Variants in PLA2G4A observed in about 807,000 individuals in gnomAD.
PLA2G4A encodes phospholipase A2 group IVA.
A neutral mutation model predicts 81.9 loss-of-function variants in PLA2G4A; 40 were observed. That is an observed-to-expected ratio of 0.49 (90% confidence interval 0.38 to 0.64). PLA2G4A has a LOEUF of 0.64. Among genes scored for constraint, PLA2G4A ranks in the 30% least tolerant of loss-of-function variants. The pLI is 0.00. For synonymous variants in PLA2G4A, 302 were observed against 296.9 expected, an observed-to-expected ratio of 1.02 and a Z score of -0.18; for missense variants, 715 against 905.1, an observed-to-expected ratio of 0.79 and a Z score of 2.69.
chr1:186,942,946 T>C (rs113829356), intron 10 of PLA2G4A, among the ~76,000 whole-genome samples: 2,512 of 152,232 alleles, frequency 0.017, 70 homozygotes, highest in African/African-American at 0.057. Flanking sequence ...ATGAATCTTG[T>C]ACCCAGATAA....
At chr1:186,970,003 G>A (rs2102283514) in intron 15 of PLA2G4A, among the ~76,000 whole-genome samples, 1 of 152,018 alleles carries the variant, frequency 6.6e-6, no homozygotes, top group Non-Finnish European at 1.5e-5. Flanking sequence ...TTCTGTGGTG[G>A]CTGTACTAAT....
chr1:186,863,769 T>TG (rs1184596782), intron 2 of PLA2G4A, among the ~76,000 whole-genome samples: 3 of 145,880 alleles, frequency 2.1e-5, no homozygotes, highest in African/African-American at 7.8e-5. Flanking sequence ...TAATTTTTTT[T>TG]TTTTTTTTGG....
At chr1:186,857,972 T>A (rs1652652448) in intron 2 of PLA2G4A, among the ~76,000 whole-genome samples, 1 of 152,184 alleles carries the variant, frequency 6.6e-6, no homozygotes, top group African/African-American at 2.4e-5. Flanking sequence ...ATGGTGAATA[T>A]GTGCCACAGT....
At chr1:186,857,154 CATAA>C (rs1652599635) in intron 2 of PLA2G4A, among the ~76,000 whole-genome samples, 1 of 43,200 alleles carries the variant, frequency 2.3e-5, no homozygotes, top group African/African-American at 1.4e-4. Flanking sequence ...TATATAATTA[CATAA>C]TATAATATAA....
In PLA2G4A at chr1:186,945,545, C is replaced by A. The variant is rs766392826; in HGVS notation, c.1034-1092C>A. On this transcript the variant is annotated intron_variant, in intron 10 of 17. Transcript: ENST00000367466. ...GGAGAGAGAATACAGCAATTTGTAT[C>A]AGTACGATCACAGTGGACAAATGGA... is the stretch of plus-strand genomic sequence containing the variant. Among the ~76,000 whole-genome samples, 112 of 152,082 alleles carry A rather than the reference C, an allele frequency of 7.4e-4. 1 individual carries two copies. Among genetic ancestry groups the A allele is most frequent in the Non-Finnish European group, 2.1e-4 (14 of 68,016 alleles).
intron 13 of PLA2G4A, among the ~76,000 whole-genome samples, chr1:186,952,456 G>A (rs1287461252): frequency 1.3e-5 from 2 of 152,064 alleles, no homozygotes; most frequent in African/African-American, 4.8e-5. Flanking sequence ...AAAGTACAGA[G>A]TTCCCATATG....
chr1:186,865,578 C>T (rs1322553545), intron 2 of PLA2G4A, among the ~76,000 whole-genome samples: 1 of 152,186 alleles, frequency 6.6e-6, no homozygotes, highest in Non-Finnish European at 1.5e-5. Flanking sequence ...AGTAATCACA[C>T]ATCATAGTCT....
At chr1:186,865,562 G>A (rs1220571453) in intron 2 of PLA2G4A, among the ~76,000 whole-genome samples, 1 of 152,090 alleles carries the variant, frequency 6.6e-6, no homozygotes, top group Non-Finnish European at 1.5e-5. Flanking sequence ...CATAATCTCT[G>A]GGTTCAGTAA....
chr1:186,831,065 T>C (rs1651570310), intron 1 of PLA2G4A, among the ~76,000 whole-genome samples: 1 of 151,794 alleles, frequency 6.6e-6, no homozygotes, highest in Admixed American at 6.6e-5. Flanking sequence ...TTCTTTCTTT[T>C]GTTTTTGTTC....
At chr1:186,906,847 G>A (rs538717770) in intron 5 of PLA2G4A, 118 bp from the exon 6 acceptor site, 33 of 632,774 alleles carry the variant, frequency 5.2e-5, no homozygotes, top group South Asian at 3.3e-4. Context: ...TTTATTTTTA[G>A]GGTTTTGTTT....
At chr1:186,839,205 A>C in intron 1 of PLA2G4A, among the ~76,000 whole-genome samples, 1 of 152,256 alleles carries the variant, frequency 6.6e-6, no homozygotes, top group Non-Finnish European at 1.5e-5. Context: ...CAAGTCAGGC[A>C]GCATGGTGAG....
intron 5 of PLA2G4A, among the ~76,000 whole-genome samples, chr1:186,894,871 T>A (rs1329022503): frequency 3.9e-5 from 6 of 152,198 alleles, no homozygotes; most frequent in Non-Finnish European, 7.3e-5. Flanking sequence ...AAGAAACTAA[T>A]TTAGTAGTTT....
At chr1:186,872,283 C>T (rs990028840) in intron 3 of PLA2G4A, among the ~76,000 whole-genome samples, 1 of 151,814 alleles carries the variant, frequency 6.6e-6, no homozygotes, top group African/African-American at 2.4e-5. Context: ...AAAGAAAGGC[C>T]CCTGCGAAAG....
chr1:186,948,108 A>G (rs1310928252), intron 12 of PLA2G4A, among the ~76,000 whole-genome samples: 3 of 152,160 alleles, frequency 2.0e-5, no homozygotes, highest in African/African-American at 7.2e-5. Flanking sequence ...TAATATTTGT[A>G]TTTAGTGTGG....
At chr1:186,975,328 T>C (rs1657493170) in intron 15 of PLA2G4A, among the ~76,000 whole-genome samples, 1 of 152,258 alleles carries the variant, frequency 6.6e-6, no homozygotes, top group Admixed American at 6.5e-5. Flanking sequence ...AATGCTTTCA[T>C]ATACATTAAA....
At chr1:186,849,569 C>A (rs1558359051) in intron 1 of PLA2G4A, among the ~76,000 whole-genome samples, 1 of 152,000 alleles carries the variant, frequency 6.6e-6, no homozygotes, top group Non-Finnish European at 1.5e-5. Flanking sequence ...GTTTGCTCAC[C>A]ATTCGCCAGC....
chr1:186,914,987 A>C (rs1374356100), intron 7 of PLA2G4A, among the ~76,000 whole-genome samples: 4 of 152,180 alleles, frequency 2.6e-5, no homozygotes, highest in Non-Finnish European at 5.9e-5. Flanking sequence ...GAAGCTTTTT[A>C]TCATTTGAAG....
chr1:186,923,442 A>G (rs907044836), intron 7 of PLA2G4A, among the ~76,000 whole-genome samples: 4 of 152,214 alleles, frequency 2.6e-5, no homozygotes, highest in African/African-American at 9.7e-5. Context: ...TTTCATTTCT[A>G]ACATTTGTAA....
intron 17 of PLA2G4A, among the ~76,000 whole-genome samples, chr1:186,981,158 C>T (rs1219356366): frequency 6.6e-6 from 1 of 152,106 alleles, no homozygotes; most frequent in African/African-American, 2.4e-5. Flanking sequence ...CCAGTATGAG[C>T]CAATAAACTC....
Sources: allele counts gnomAD v4.1 joint callset (sites outside exome capture counted in the v4.1 genomes callset), GRCh38; gene constraint gnomAD v4.1.1; transcripts MANE v1.5; gene names NCBI Gene and HGNC (gene_info 2026-07-23, HGNC 2026-07-21).